Variants in RBFOX1 observed in about 807,000 individuals in gnomAD.
RBFOX1 encodes the protein RNA binding fox-1 homolog 1.
In RBFOX1, 8 loss-of-function variants were observed where a neutral mutation model predicts 57.7. The ratio of observed to expected loss-of-function variants is 0.14; its 90% CI spans 0.08 to 0.25. RBFOX1 has a LOEUF of 0.25. Among genes scored for constraint, RBFOX1 ranks in the 10% least tolerant of loss-of-function variants. RBFOX1 has a pLI of 1.00. For synonymous variants in RBFOX1, 326 were observed against 222.4 expected, an observed-to-expected ratio of 1.47 and a Z score of -4.15; for missense variants, 611 against 548.5, an observed-to-expected ratio of 1.11 and a Z score of -1.14.
At chr16:7,584,756 C>T (rs776527088) in intron 6 of RBFOX1, among the ~76,000 whole-genome samples, 14 of 152,174 alleles carry the variant, frequency 9.2e-5, no homozygotes, top group Non-Finnish European at 1.9e-4. Flanking sequence ...TCATTAGTAG[C>T]GAACTTCCCA....
At chr16:6,426,599 C>G (rs147105740) in intron 2 of RBFOX1, among the ~76,000 whole-genome samples, 2 of 152,148 alleles carry the variant, frequency 1.3e-5, no homozygotes, top group East Asian at 3.9e-4. Flanking sequence ...CCAGTGCACT[C>G]CAGCCTGGGC....
intron 4 of RBFOX1, among the ~76,000 whole-genome samples, chr16:7,219,982 G>T (rs181362020): frequency 1.3e-5 from 2 of 152,170 alleles, no homozygotes; most frequent in African/African-American, 2.4e-5. Flanking sequence ...TCTGAGTTCA[G>T]TTGGTTTTTG....
chr16:6,803,996 C>T (rs1182227689), intron 3 of RBFOX1, among the ~76,000 whole-genome samples: 1 of 151,598 alleles, frequency 6.6e-6, no homozygotes, highest in Non-Finnish European at 1.5e-5. Flanking sequence ...CTGTATAGTA[C>T]ATAAAACTCA....
At chr16:5,937,692 A>G (rs2059195159) in intron 4 of RBFOX1, among the ~76,000 whole-genome samples, 1 of 149,686 alleles carries the variant, frequency 6.7e-6, no homozygotes, top group Admixed American at 6.7e-5. Context: ...ATGGTTACAT[A>G]TTTATATGTA....
At chr16:7,502,218 G>A (rs1191648986) in intron 4 of RBFOX1, among the ~76,000 whole-genome samples, 1 of 152,064 alleles carries the variant, frequency 6.6e-6, no homozygotes, top group African/African-American at 2.4e-5. Flanking sequence ...TTCTACAAGT[G>A]AGGCGAATGC....
Position 7,333,062 on chromosome 16 carries a change from G to T in RBFOX1, c.28-185085G>T, listed in dbSNP as rs1325337150. 41 of 1,613,762 alleles carry T rather than the reference G, an allele frequency of 2.5e-5. No homozygotes were observed. Among genetic ancestry groups the T allele is most frequent in the Non-Finnish European group, 3.4e-5 (40 of 1,179,888 alleles). On this transcript the variant is annotated intron_variant, in intron 4 of 15. Coordinates refer to ENST00000550418, the MANE Select transcript of RBFOX1 (RefSeq NM_018723.4). ...TGGCGTGCCTATGATTGTACCGGCA[G>T]CTCCTTACCTTCCTGGACTGATTCA...
At chr16:5,267,575 G>A (rs2062892678) in intron 1 of RBFOX1, among the ~76,000 whole-genome samples, 1 of 151,820 alleles carries the variant, frequency 6.6e-6, no homozygotes, top group Admixed American at 6.6e-5. Context: ...TCGGGTTACA[G>A]GTGTGAGCCA....
intron 4 of RBFOX1, among the ~76,000 whole-genome samples, chr16:7,161,730 T>C (rs536225402): frequency 6.6e-6 from 1 of 152,194 alleles, no homozygotes; most frequent in Non-Finnish European, 1.5e-5. Context: ...CAGCTTCCTT[T>C]ATGACTCATC....
chr16:6,993,930 G>A (rs2091894852), intron 3 of RBFOX1, among the ~76,000 whole-genome samples: 1 of 152,160 alleles, frequency 6.6e-6, no homozygotes, highest in Admixed American at 6.5e-5. Context: ...GCCAATAAGT[G>A]CCTAAATGAT....
chr16:7,239,791 G>T (rs752657155), intron 4 of RBFOX1, among the ~76,000 whole-genome samples: 1 of 152,006 alleles, frequency 6.6e-6, no homozygotes, highest in Non-Finnish European at 1.5e-5. Context: ...TGAAAATGGG[G>T]CATTTGGCTT....
intron 3 of RBFOX1, among the ~76,000 whole-genome samples, chr16:7,040,210 G>C (rs372160492): frequency 6.6e-6 from 1 of 151,706 alleles, no homozygotes; most frequent in Non-Finnish European, 1.5e-5. Flanking sequence ...TAGTAGAGAC[G>C]GGGTTTCACC....
At chr16:5,456,385 G>T (rs1178153102) in intron 1 of RBFOX1, among the ~76,000 whole-genome samples, 1 of 152,140 alleles carries the variant, frequency 6.6e-6, no homozygotes, top group Non-Finnish European at 1.5e-5. Flanking sequence ...CACCTCCCAT[G>T]GGTTACCTTC....
At chr16:6,348,688 C>T (rs1449507148) in intron 2 of RBFOX1, among the ~76,000 whole-genome samples, 1 of 152,008 alleles carries the variant, frequency 6.6e-6, no homozygotes, top group East Asian at 1.9e-4. Flanking sequence ...GGGTGGGGAG[C>T]GTGCCACGTT....
At chr16:6,959,675 A>G (rs1315870768) in intron 3 of RBFOX1, among the ~76,000 whole-genome samples, 1 of 152,118 alleles carries the variant, frequency 6.6e-6, no homozygotes, top group African/African-American at 2.4e-5. Context: ...AATGGCTCAC[A>G]TCTGTAATCT....
intron 3 of RBFOX1, among the ~76,000 whole-genome samples, chr16:6,931,452 G>A (rs895994735): frequency 6.6e-6 from 1 of 152,050 alleles, no homozygotes; most frequent in Admixed American, 6.6e-5. Context: ...CCTTGGACCA[G>A]CATCTCTGCA....
chr16:5,660,894 C>T (rs920259194), intron 3 of RBFOX1, among the ~76,000 whole-genome samples: 4 of 152,110 alleles, frequency 2.6e-5, no homozygotes, highest in East Asian at 1.9e-4. Flanking sequence ...GCTGCGTGTG[C>T]AAATTGAGGA....
intron 4 of RBFOX1, among the ~76,000 whole-genome samples, chr16:7,292,127 T>C (rs867462298): frequency 1.3e-5 from 1 of 79,092 alleles, no homozygotes; most frequent in Non-Finnish European, 2.4e-5. Context: ...ATATATAATA[T>C]ATAATGTATT....
At chr16:7,055,273 CTT>C (rs1289564954) in intron 4 of RBFOX1, among the ~76,000 whole-genome samples, 2 of 152,124 alleles carry the variant, frequency 1.3e-5, no homozygotes, top group Admixed American at 6.5e-5. Context: ...AGAACATACT[CTT>C]GAGATCATAT....
At chr16:6,194,006 A>T (rs2097164058) in intron 1 of RBFOX1, among the ~76,000 whole-genome samples, 1 of 152,160 alleles carries the variant, frequency 6.6e-6, no homozygotes, top group East Asian at 1.9e-4. Context: ...CATGCCTCTA[A>T]GCTGATGAAG....
Sources: gnomAD v4.1 joint callset for allele counts (sites outside exome capture counted in the v4.1 genomes callset) on GRCh38, gnomAD v4.1.1 for gene constraint, MANE v1.5 for transcripts, NCBI Gene and HGNC (gene_info 2026-07-23, HGNC 2026-07-21) for gene names.